The following TAT variants were observed in gnomAD, a reference collection of about 807,000 sequenced individuals.
TAT encodes the protein L-tyrosine:2-oxoglutarate aminotransferase.
TAT carries 35 observed loss-of-function variants against 53.6 expected under a neutral mutation model. The ratio of observed to expected loss-of-function variants is 0.65; its 90% CI spans 0.50 to 0.87. The LOEUF (loss-of-function observed/expected upper bound fraction) is 0.87, where lower values mean the gene tolerates loss of function less well. Among genes scored for constraint, TAT ranks in the 40% least tolerant of loss-of-function variants. TAT has a pLI of 0.00. For missense variants in TAT, 525 were observed against 571.8 expected (o/e 0.92, Z 0.83); for synonymous variants, 197 against 206.5 (o/e 0.95, Z 0.39).
Position 71,569,912 on chromosome 16 carries a change from G to T in TAT, c.1067C>A (p.Ala356Glu). 2 of 1,613,744 alleles carry T rather than the reference G, an allele frequency of 1.2e-6. No individual in the cohort carries two copies. Among genetic ancestry groups the T allele is most frequent in the Non-Finnish European group, 1.7e-6 (2 of 1,179,884 alleles). The change falls in exon 10 of 12, where the codon GCG (alanine) becomes GAG (glutamate). Residue 356 changes from alanine (A) to glutamate (E), a missense_variant. By Grantham distance (107) the Ala-to-Glu change is moderately radical (BLOSUM62 -1). Transcript: ENST00000355962. ...LKSNADLCYGALAAIPGLRPV... is the reference protein window; with the variant it reads ...LKSNADLCYGELAAIPGLRPV... ...CCGGAGTCCAGGGATGGCAGCCAAC[G>T]CCCCATAACAGAGATCAGCATTGGA...
chr16:71,575,860 C>A, intron 3 of TAT, 62 bp downstream of exon 3: 2 of 1,418,730 alleles, frequency 1.4e-6, no homozygotes, highest in Non-Finnish European at 2.0e-6. Context: ...GACATTTAGT[C>A]CTGTTATAAG....
chr16:71,572,567 T>G lies in TAT; in HGVS notation c.530A>C (p.Glu177Ala), dbSNP rs769206426. Residue 177 changes from glutamate to alanine, a missense_variant, in exon 5 of 12, where the codon GAG becomes GCG. Transcript: ENST00000355962. ...GAGTTTGACCTCAATTCCCATAGAC[T>G]CAGCCAGAGTCTTGTAGAGAGAGAA... The part of the protein sequence containing the change: ...PGFSLYKTLA[E>A]SMGIEVKLYN... The G allele has an allele frequency of 4.3e-6, 7 of 1,614,226 alleles. 1 individual carries two copies. In the South Asian group the frequency reaches 7.7e-5, roughly 18 times the overall value.
chr16:71,569,715 A>T (rs1227471424), intron 10 of TAT, 139 bp downstream of exon 10: 10 of 784,464 alleles, frequency 1.3e-5, no homozygotes, highest in Non-Finnish European at 2.2e-5. Flanking sequence ...TCAGAATAAG[A>T]CAACTCCTAA....
intron 8 of TAT, 64 bp from the exon 9 acceptor site, chr16:71,570,461 C>T: frequency 2.5e-6 from 4 of 1,613,680 alleles, no homozygotes; most frequent in South Asian, 1.1e-5. Context: ...CTTAGAGTTT[C>T]TTGTTCTGAC....
At chr16:71,572,092 T>A (rs2044206941) in intron 6 of TAT, 94 bp downstream of exon 6, 2 of 1,551,304 alleles carry the variant, frequency 1.3e-6, no homozygotes, top group Admixed American at 3.3e-5. Flanking sequence ...CACCCCAGGC[T>A]TGGAACTTAG....
At chr16:71,569,429 A>C (rs1179456236) in intron 10 of TAT, among the ~76,000 whole-genome samples, 1 of 151,910 alleles carries the variant, frequency 6.6e-6, no homozygotes, top group Non-Finnish European at 1.5e-5. Context: ...CTCAACCTCC[A>C]AGGCTCAAGT....
At chr16:71,569,756 CT>C (rs1360287354) in intron 10 of TAT, 97 bp downstream of exon 10, 2 of 1,196,866 alleles carry the variant, frequency 1.7e-6, no homozygotes, top group East Asian at 5.0e-5. Context: ...AGCTGGTTGT[CT>C]TTGTACCCTG....
intron 3 of TAT, 95 bp from the exon 4 acceptor site, chr16:71,573,701 G>T: frequency 9.4e-7 from 1 of 1,067,032 alleles, no homozygotes. Context: ...CACAGCCATA[G>T]CTCACTGCGG....
intron 5 of TAT, 52 bp from the exon 6 acceptor site, chr16:71,572,376 A>G (rs1424690287): frequency 9.9e-6 from 16 of 1,612,384 alleles, no homozygotes; most frequent in East Asian, 2.2e-5. Flanking sequence ...ATTTAGGGGG[A>G]ATCCTCACTT....
chr16:71,572,783 C>A lies in TAT; in HGVS notation c.409-95G>T, dbSNP rs554877186. The A allele has an allele frequency of 2.9e-6, 4 of 1,400,224 alleles. No homozygotes were observed. In the African/African-American group the frequency reaches 5.7e-5, roughly 20 times the overall value. 86.7% of individuals were successfully genotyped at this position (1,400,224 alleles called of 1,614,324 possible). On this transcript the variant is annotated intron_variant, in intron 4 of 11. Coordinates refer to ENST00000355962, the MANE Select transcript of TAT (RefSeq NM_000353.3). The stretch of plus-strand genomic sequence containing the variant: ...TGGGTGAGTTGGGAGCAATTGTGAA[C>A]TTCCTTTAACAAGTTGTAAGTAGTA...
At chr16:71,571,700 C>T (rs745614494) in intron 6 of TAT, 42 bp from the exon 7 acceptor site, 4 of 1,573,716 alleles carry the variant, frequency 2.5e-6, no homozygotes, top group Admixed American at 3.3e-5. Context: ...ATGTGAATTG[C>T]TTTATCATGT....
In TAT at chr16:71,576,339, CCA is replaced by C; in HGVS notation, c.75_76del (p.Gly26GlufsTer66). 1 of 1,614,206 alleles carries C rather than the reference CCA, an allele frequency of 6.2e-7. No individual in the cohort carries two copies. The highest frequency in any genetic ancestry group is 8.5e-7 in the Non-Finnish European group (1 of 1,180,044). ...CATTTTTCCCGGCACAGAGCTTCTCCCACCAACGTTGACATGCACGTCCAGAA... is the reference window on the plus strand; with the variant it reads ...CATTTTTCCCGGCACAGAGCTTCTCCCCAACGTTGACATGCACGTCCAGAA... On this transcript the variant is annotated frameshift_variant, in exon 2 of 12. Transcript: ENST00000355962. LOFTEE classifies it high-confidence loss of function.
At chr16:71,568,451 C>T (rs751511598) in intron 11 of TAT, 167 bp from the exon 12 acceptor site, 73 of 709,568 alleles carry the variant, frequency 1.0e-4, no homozygotes, top group Non-Finnish European at 1.6e-4. Context: ...GTTCATTCAT[C>T]TTAAAATGAC....
Position 71,570,536 on chromosome 16 carries a change from CT to C in TAT, c.913-140del, listed in dbSNP as rs759617923. ...TAGTGGCATTCTTAGATCAGACCCT[CT>C]GGGTTCGTAGCCCAGCTCTGCCACA... On this transcript the variant is annotated intron_variant, in intron 8 of 11. Coordinates refer to ENST00000355962, the MANE Select transcript of TAT (RefSeq NM_000353.3). 2,447 of 1,572,004 alleles carry C rather than the reference CT, an allele frequency of 1.6e-3. 1 individual carries two copies. Among genetic ancestry groups the C allele is most frequent in the Non-Finnish European group, 1.9e-3 (2,229 of 1,151,496 alleles).
intron 10 of TAT, among the ~76,000 whole-genome samples, chr16:71,569,399 C>T (rs934923046): frequency 5.3e-5 from 8 of 151,822 alleles, no homozygotes; most frequent in African/African-American, 1.2e-4. Context: ...TACAGTGGCA[C>T]GATTATGGCT....
At position 71,568,022 on chromosome 16, in the gene TAT, A is replaced by G; in HGVS notation, c.*122T>C. On this transcript the variant is annotated 3_prime_UTR_variant, in exon 12 of 12. Coordinates refer to ENST00000355962, the MANE Select transcript of TAT (RefSeq NM_000353.3). Reference sequence around the variant, plus strand: ...TGGGGAAAAGCAGGAACAATCTTGAACCCTTGACATGGTGCATTTGAGGCC... The same window carrying G: ...TGGGGAAAAGCAGGAACAATCTTGAGCCCTTGACATGGTGCATTTGAGGCC... The G allele has an allele frequency of 2.5e-6, 3 of 1,178,118 alleles. No individual in the cohort carries two copies. Among genetic ancestry groups the G allele is most frequent in the Non-Finnish European group, 3.8e-6 (3 of 795,746 alleles). 73.0% of individuals were successfully genotyped at this position (1,178,118 alleles called of 1,614,324 possible). A position where few individuals can be genotyped will look rare whatever the true frequency, so the allele number is the denominator to read the frequency against.
intron 10 of TAT, 87 bp downstream of exon 10, chr16:71,569,767 G>T (rs2044187527): frequency 2.3e-6 from 3 of 1,293,864 alleles, no homozygotes; most frequent in African/African-American, 2.9e-5. Context: ...TTTGTACCCT[G>T]CGTGACTGCC....
At chr16:71,576,697 A>T (rs1567592559) in intron 1 of TAT, among the ~76,000 whole-genome samples, 1 of 152,218 alleles carries the variant, frequency 6.6e-6, no homozygotes, top group Non-Finnish European at 1.5e-5. Flanking sequence ...AAGCTTAACC[A>T]TGCTCTATGT....
intron 11 of TAT, 133 bp downstream of exon 11, chr16:71,568,578 A>G: frequency 1.3e-6 from 1 of 798,108 alleles, no homozygotes; most frequent in Non-Finnish European, 2.1e-6. Context: ...TCCATGAGAC[A>G]CATCAGTTTG....
Sources: allele counts gnomAD v4.1 joint callset (sites outside exome capture counted in the v4.1 genomes callset), GRCh38; gene constraint gnomAD v4.1.1; transcripts MANE v1.5; gene names NCBI Gene and HGNC (gene_info 2026-07-23, HGNC 2026-07-21).